Variants in VPS13B observed in about 807,000 individuals in gnomAD.
VPS13B encodes vacuolar protein sorting 13 homolog B.
In VPS13B, 285 loss-of-function variants were observed where a neutral mutation model predicts 426.4. That is an observed-to-expected ratio of 0.67 (90% confidence interval 0.61 to 0.74). The LOEUF (loss-of-function observed/expected upper bound fraction) is 0.74, where lower values mean the gene tolerates loss of function less well. Ranked by LOEUF, VPS13B falls within the 30% of genes least tolerant of loss-of-function variation. VPS13B has a pLI of 0.00. For missense variants in VPS13B, 4,537 were observed against 4,782.6 expected, an observed-to-expected ratio of 0.95 and a Z score of 1.51; for synonymous variants, 1,676 against 1,676.4, an observed-to-expected ratio of 1.00 and a Z score of 0.01.
chr8:99,079,970 C>G (rs1024205753), intron 3 of VPS13B, among the ~76,000 whole-genome samples: 3 of 149,606 alleles, frequency 2.0e-5, no homozygotes, highest in African/African-American at 7.3e-5. Context: ...ATTGCCTGTT[C>G]AAGTTTTTTT....
chr8:99,584,751 C>T (rs1157068814), intron 33 of VPS13B, among the ~76,000 whole-genome samples: 1 of 152,108 alleles, frequency 6.6e-6, no homozygotes, highest in Non-Finnish European at 1.5e-5. Context: ...AAGTGGAATA[C>T]ATAGAAAAGA....
In VPS13B at chr8:99,461,169, T is replaced by A. The variant is rs192643250; in HGVS notation, c.3446-6245T>A. On this transcript the variant is annotated intron_variant, in intron 23 of 61. Transcript: ENST00000357162. ...TTCATGTATTACTAGTTTTTTTTTT[T>A]AAATATTTAGCCTGGAAATGATTGC... Among the ~76,000 whole-genome samples the A allele has an allele frequency of 7.4e-3, 1,120 of 152,130 alleles. 15 individuals are homozygous for A. Among genetic ancestry groups the A allele is most frequent in the African/African-American group, 0.022 (894 of 41,522 alleles).
chr8:99,066,261 G>C (rs1844503203), intron 3 of VPS13B, among the ~76,000 whole-genome samples: 1 of 152,164 alleles, frequency 6.6e-6, no homozygotes, highest in Non-Finnish European at 1.5e-5. Context: ...ATCCTACAAG[G>C]CTACAGTAAC....
chr8:99,641,976 C>T lies in VPS13B; in HGVS notation c.5386C>T (p.Arg1796Cys), dbSNP rs759001395. The T allele has an allele frequency of 2.6e-5, 42 of 1,613,902 alleles. No individual in the cohort carries two copies. The highest frequency in any genetic ancestry group is 6.7e-5 in the Admixed American group (4 of 59,952). ...HSGASQHRIA[R>C]PSRQSSIVKN... ...TGGTGCCAGTCAGCATCGCATTGCC[C>T]GTCCCTCACGCCAGTCATCAATTGT... Residue 1796 changes from arginine (R) to cysteine (C), a missense_variant, in exon 34 of 62, where the codon CGT (arginine) becomes TGT (cysteine). Arg to Cys is a radical substitution (Grantham distance 180, BLOSUM62 -3). Around this residue, in one of 2 missense-constraint regions of VPS13B, gnomAD observed 4,311 missense variants for 4,474.3 expected, o/e 0.96. Transcript: ENST00000357162.
chr8:99,255,401 C>T (rs1817694896), intron 17 of VPS13B, among the ~76,000 whole-genome samples: 1 of 151,928 alleles, frequency 6.6e-6, no homozygotes, highest in Non-Finnish European at 1.5e-5. Flanking sequence ...TTTTTTCATT[C>T]AGTTTAGGCC....
chr8:99,359,919 C>G (rs1288762923), intron 19 of VPS13B, among the ~76,000 whole-genome samples: 3 of 152,146 alleles, frequency 2.0e-5, no homozygotes, highest in Non-Finnish European at 4.4e-5. Flanking sequence ...TCTCCTGTCT[C>G]AGCCTTCCAA....
rs117309882 is a variant in VPS13B, at chr8:99,292,581, T to C, written c.2824+17327T>C. ...GCAGTTTGTAGCTGAAAAGATCATG[T>C]TTAGATATTATGTTATTTAAAATCT... is the stretch of plus-strand genomic sequence containing the variant. On this transcript the variant is annotated intron_variant, in intron 19 of 61. Transcript: ENST00000357162. Among the ~76,000 whole-genome samples, 111 of 152,278 alleles carry C rather than the reference T, an allele frequency of 7.3e-4. 1 individual carries two copies. In the East Asian group the frequency reaches 0.02, roughly 28 times the overall value.
At chr8:99,148,054 ATTTTTT>A in intron 14 of VPS13B, 44 bp downstream of exon 14, 1 of 1,363,404 alleles carries the variant, frequency 7.3e-7, no homozygotes, top group Non-Finnish European at 1.0e-6. Flanking sequence ...TCATATATGG[ATTTTTT>A]TTTTTTTTTT....
rs781133717 is a variant in VPS13B, at chr8:99,861,862, CAGG to C, written c.11137_11139del (p.Glu3713del). 22 of 1,602,098 alleles carry C rather than the reference CAGG, an allele frequency of 1.4e-5. No homozygotes were observed. The highest frequency in any genetic ancestry group is 1.7e-5 in the Admixed American group (1 of 58,192). ...ACTGGATGAGGAGCACTACAACCGGCAGGAGGAGTGGCGGCGGCAGCTCCCCGA... is the reference window on the plus strand; with the variant it reads ...ACTGGATGAGGAGCACTACAACCGGCAGGAGTGGCGGCGGCAGCTCCCCGA... On this transcript the variant is annotated inframe_deletion, in exon 58 of 62. Transcript: ENST00000357162.
rs901401451 is a variant in VPS13B, at chr8:99,233,336, T to G, written c.2515+40279T>G. The G allele has an allele frequency of 1.5e-4, 158 of 1,070,364 alleles. No individual in the cohort carries two copies. In the African/African-American group the frequency reaches 2.2e-3, roughly 15 times the overall value. The allele number at this position is 1,070,364 out of a possible 1,614,324, so 66.3% of individuals were successfully genotyped here. On this transcript the variant is annotated intron_variant, in intron 17 of 61. Coordinates refer to ENST00000357162, the MANE Select transcript of VPS13B (RefSeq NM_152564.5). ...TGGGCTTCCAGCTTCACTTCTTCTT[T>G]GGGGTTAAAGAAGTTTTCTTCTTTT...
chr8:99,517,968 TC>T (rs1822177028), intron 29 of VPS13B, among the ~76,000 whole-genome samples: 2 of 152,092 alleles, frequency 1.3e-5, no homozygotes, highest in African/African-American at 4.8e-5. Flanking sequence ...TTGAATACTT[TC>T]TATAATAAAA....
At chr8:99,792,651 G>A (rs1014742846) in intron 43 of VPS13B, among the ~76,000 whole-genome samples, 11 of 152,134 alleles carry the variant, frequency 7.2e-5, no homozygotes, top group Non-Finnish European at 1.0e-4. Flanking sequence ...GCACCAGGCA[G>A]TAAGAAGTTA....
At chr8:99,290,824 T>A (rs1819692641) in intron 19 of VPS13B, among the ~76,000 whole-genome samples, 1 of 152,060 alleles carries the variant, frequency 6.6e-6, no homozygotes, top group East Asian at 1.9e-4. Context: ...GAAGAAACAA[T>A]TGGTCAAGTT....
intron 31 of VPS13B, among the ~76,000 whole-genome samples, chr8:99,568,783 C>T (rs540556606): frequency 6.6e-6 from 1 of 151,290 alleles, no homozygotes; most frequent in African/African-American, 2.4e-5. Context: ...GAGATGGTCT[C>T]AGGTGATAAC....
At chr8:99,332,784 A>C (rs1023526690) in intron 19 of VPS13B, among the ~76,000 whole-genome samples, 5 of 151,712 alleles carry the variant, frequency 3.3e-5, no homozygotes, top group African/African-American at 1.2e-4. Flanking sequence ...TCAGGCTTCT[A>C]ATAACACTTT....
intron 35 of VPS13B, among the ~76,000 whole-genome samples, chr8:99,664,963 A>G (rs1375399050): frequency 1.3e-5 from 2 of 152,116 alleles, no homozygotes; most frequent in African/African-American, 2.4e-5. Flanking sequence ...ATTTCTCCAC[A>G]TCCTCTCCAG....
chr8:99,831,076 C>CTTTTTCTTTTTT (rs1815018771), intron 51 of VPS13B, among the ~76,000 whole-genome samples: 1 of 120,084 alleles, frequency 8.3e-6, no homozygotes, highest in Non-Finnish European at 1.7e-5. Context: ...GTGTTTTTTT[C>CTTTTTCTTTTTT]TTTTTTTTTT....
chr8:99,479,095 T>C (rs1473705091), intron 24 of VPS13B, among the ~76,000 whole-genome samples: 1 of 152,144 alleles, frequency 6.6e-6, no homozygotes, highest in Middle Eastern at 3.2e-3. Context: ...GGGCCCTTCC[T>C]CTCTAGCCAC....
intron 51 of VPS13B, among the ~76,000 whole-genome samples, chr8:99,827,627 T>C (rs1814775322): frequency 6.6e-6 from 1 of 152,062 alleles, no homozygotes; most frequent in African/African-American, 2.4e-5. Flanking sequence ...TCTGCTAGCT[T>C]TTGAATTTTT....
Sources: allele counts gnomAD v4.1 joint callset (sites outside exome capture counted in the v4.1 genomes callset), GRCh38; gene constraint gnomAD v4.1.1; regional missense constraint gnomAD v4.1.1; transcripts MANE v1.5; gene names NCBI Gene and HGNC (gene_info 2026-07-23, HGNC 2026-07-21).